HPSE2: variants seen among roughly 807,000 people sequenced by gnomAD.
HPSE2 encodes inactive heparanase-2.
HPSE2 carries 38 observed loss-of-function variants against 60.5 expected under a neutral mutation model. The ratio of observed to expected loss-of-function variants is 0.63; its 90% CI spans 0.48 to 0.82. The LOEUF is 0.82. HPSE2 is among the 40% of genes least tolerant of loss of function. HPSE2 has a pLI of 0.00. For missense variants in HPSE2, 713 were observed against 740.4 expected (o/e 0.96, Z 0.43); for synonymous variants, 295 against 293.2 (o/e 1.01, Z -0.06).
At chr10:99,222,049 G>A (rs1002658552) in intron 2 of HPSE2, among the ~76,000 whole-genome samples, 9 of 152,054 alleles carry the variant, frequency 5.9e-5, no homozygotes, top group African/African-American at 1.9e-4. Flanking sequence ...ACAGTCACAA[G>A]GGAAACAACA....
intron 2 of HPSE2, among the ~76,000 whole-genome samples, chr10:99,184,522 CA>C (rs200059066): frequency 6.6e-5 from 4 of 60,764 alleles, no homozygotes; most frequent in African/African-American, 4.8e-4. Flanking sequence ...GAGACTGTCT[CA>C]AAAAAAAAAA....
chr10:98,509,721 C>T (rs1033531553), intron 9 of HPSE2, among the ~76,000 whole-genome samples: 3 of 152,032 alleles, frequency 2.0e-5, no homozygotes, highest in Admixed American at 2.0e-4. Flanking sequence ...AGGCTGGTCT[C>T]GAACTGCTGA....
chr10:99,301,700 G>T, the HPSE2 span, among the ~76,000 whole-genome samples: 1 of 152,124 alleles, frequency 6.6e-6, no homozygotes, highest in Non-Finnish European at 1.5e-5. Context: ...CAGCAGGGTG[G>T]CCAGGTTGCT....
At chr10:99,218,960 C>A (rs1265039427) in intron 2 of HPSE2, among the ~76,000 whole-genome samples, 1 of 152,190 alleles carries the variant, frequency 6.6e-6, no homozygotes, top group South Asian at 2.1e-4. Flanking sequence ...AATAACATAC[C>A]TATCAGGCCA....
intron 3 of HPSE2, among the ~76,000 whole-genome samples, chr10:99,010,468 A>C (rs751521251): frequency 1.1e-4 from 17 of 152,206 alleles, no homozygotes; most frequent in Non-Finnish European, 1.8e-4. Flanking sequence ...GATCAGAATT[A>C]CCATAAATGG....
chr10:98,569,056 A>C (rs976304680), intron 9 of HPSE2, among the ~76,000 whole-genome samples: 3 of 126,316 alleles, frequency 2.4e-5, no homozygotes, highest in Admixed American at 1.0e-4. Flanking sequence ...TTGTTATTTT[A>C]AAAAGTCTGA....
At chr10:99,264,299 G>A in the HPSE2 span, among the ~76,000 whole-genome samples, 1 of 152,018 alleles carries the variant, frequency 6.6e-6, no homozygotes, top group East Asian at 1.9e-4. Context: ...GTGTTAGCCT[G>A]GATGGTTTTG....
intron 2 of HPSE2, among the ~76,000 whole-genome samples, chr10:99,212,021 G>A (rs1232712525): frequency 6.6e-6 from 1 of 151,886 alleles, no homozygotes; most frequent in Non-Finnish European, 1.5e-5. Context: ...ATTTTTAAAT[G>A]GGCAAAGTCA....
At chr10:98,728,866 G>A (rs1410536159) in intron 4 of HPSE2, among the ~76,000 whole-genome samples, 1 of 151,854 alleles carries the variant, frequency 6.6e-6, no homozygotes, top group Non-Finnish European at 1.5e-5. Flanking sequence ...AAAATTAGCT[G>A]GGTGTAGTGG....
the HPSE2 span, among the ~76,000 whole-genome samples, chr10:99,280,087 T>C: frequency 6.6e-6 from 1 of 152,240 alleles, no homozygotes; most frequent in East Asian, 1.9e-4. Context: ...AACTGTTGTA[T>C]GACCTTGGAC....
At chr10:98,853,634 T>G (rs1457439464) in intron 3 of HPSE2, among the ~76,000 whole-genome samples, 2 of 152,176 alleles carry the variant, frequency 1.3e-5, no homozygotes, top group Non-Finnish European at 2.9e-5. Context: ...GTTGTATCAC[T>G]CCCATGAATC....
Position 98,838,820 on chromosome 10 carries a change from A to G in HPSE2, c.611-94764T>C, listed in dbSNP as rs150063088. On this transcript the variant is annotated intron_variant, in intron 3 of 11. Coordinates refer to ENST00000370552, the MANE Select transcript of HPSE2 (RefSeq NM_021828.5). ...AATGTGGGAAGTTGTCCATTTCCCCATCTTATCCATGCTACTGGCCTCCTG... is the reference window on the plus strand; with the variant it reads ...AATGTGGGAAGTTGTCCATTTCCCCGTCTTATCCATGCTACTGGCCTCCTG... Among the ~76,000 whole-genome samples, 441 of 152,204 alleles carry G rather than the reference A, an allele frequency of 2.9e-3. 2 individuals are homozygous for G. Among genetic ancestry groups the G allele is most frequent in the Middle Eastern group, 0.01 (3 of 294 alleles).
chr10:98,554,580 A>T (rs948786440), intron 9 of HPSE2, among the ~76,000 whole-genome samples: 32 of 152,210 alleles, frequency 2.1e-4, no homozygotes, highest in Admixed American at 7.2e-4. Flanking sequence ...AAAATGCCTC[A>T]TGACGTTTAC....
chr10:99,305,223 A>C, the HPSE2 span, among the ~76,000 whole-genome samples: 1 of 152,170 alleles, frequency 6.6e-6, no homozygotes, highest in Admixed American at 6.5e-5. Flanking sequence ...AGTCCCAATA[A>C]ATCTGTGATA....
intron 3 of HPSE2, among the ~76,000 whole-genome samples, chr10:99,110,268 C>T (rs1844407989): frequency 6.6e-6 from 1 of 152,172 alleles, no homozygotes; most frequent in South Asian, 2.1e-4. Context: ...GCTGGAGAGC[C>T]TAGTTGGCTC....
At chr10:99,211,138 G>T (rs933124585) in intron 2 of HPSE2, among the ~76,000 whole-genome samples, 1 of 150,950 alleles carries the variant, frequency 6.6e-6, no homozygotes, top group Non-Finnish European at 1.5e-5. Flanking sequence ...CCAAAAAAAA[G>T]AAATGAAGAC....
chr10:99,099,898 C>A (rs1303848291), intron 3 of HPSE2, among the ~76,000 whole-genome samples: 1 of 152,152 alleles, frequency 6.6e-6, no homozygotes, highest in Non-Finnish European at 1.5e-5. Flanking sequence ...GAGTGGACCT[C>A]CAGCAAACTC....
chr10:98,964,825 C>T (rs569423498), intron 3 of HPSE2, among the ~76,000 whole-genome samples: 11 of 152,222 alleles, frequency 7.2e-5, no homozygotes, highest in South Asian at 6.2e-4. Flanking sequence ...ATACAAATAA[C>T]TCAATTTCAT....
chr10:98,792,021 G>A (rs1184963997), intron 3 of HPSE2, among the ~76,000 whole-genome samples: 1 of 152,010 alleles, frequency 6.6e-6, no homozygotes, highest in Non-Finnish European at 1.5e-5. Context: ...CCTGTCTCCC[G>A]AACAGCATGG....
Sources: gnomAD v4.1 joint callset for allele counts (sites outside exome capture counted in the v4.1 genomes callset) on GRCh38, gnomAD v4.1.1 for gene constraint, MANE v1.5 for transcripts, NCBI Gene and HGNC (gene_info 2026-07-23, HGNC 2026-07-21) for gene names.